Variants in MED12L observed in about 807,000 individuals in gnomAD.
The protein encoded by MED12L is mediator complex subunit 12L, also known as mediator of RNA polymerase II transcription subunit 12-like protein.
A neutral mutation model predicts 281.3 loss-of-function variants in MED12L; 60 were observed. The ratio of observed to expected loss-of-function variants is 0.21; its 90% CI spans 0.17 to 0.26. The LOEUF is 0.26. Among genes scored for constraint, MED12L ranks in the 10% least tolerant of loss-of-function variants. MED12L has a pLI of 1.00. For missense variants in MED12L, 2,146 were observed against 2,680.9 expected (o/e 0.80, Z 4.41); for synonymous variants, 974 against 987.2 (o/e 0.99, Z 0.25).
chr3:151,178,467 G>A (rs1177325429), intron 11 of MED12L, among the ~76,000 whole-genome samples: 1 of 152,200 alleles, frequency 6.6e-6, no homozygotes, highest in Non-Finnish European at 1.5e-5. Context: ...GGAGTCAGGA[G>A]AAGCCAGAGG....
At chr3:151,090,127 G>T (rs893309416) in intron 2 of MED12L, among the ~76,000 whole-genome samples, 4 of 152,072 alleles carry the variant, frequency 2.6e-5, no homozygotes, top group Non-Finnish European at 5.9e-5. Context: ...CTTAGCCTGT[G>T]GTTAGAAAGG....
chr3:151,268,633 A>G (rs1207824620), intron 16 of MED12L, among the ~76,000 whole-genome samples: 1 of 152,188 alleles, frequency 6.6e-6, no homozygotes, highest in Non-Finnish European at 1.5e-5. Context: ...GGTTTTTTAA[A>G]TCTAGAATGT....
chr3:151,428,714 T>C (rs996021437), intron 43 of MED12L, among the ~76,000 whole-genome samples: 4 of 152,192 alleles, frequency 2.6e-5, no homozygotes, highest in Non-Finnish European at 4.4e-5. Flanking sequence ...AAATAGAGGA[T>C]AAGACAGGAT....
chr3:151,332,364 G>GTA (rs1458117357), intron 16 of MED12L, among the ~76,000 whole-genome samples: 4 of 152,170 alleles, frequency 2.6e-5, no homozygotes, highest in Non-Finnish European at 5.9e-5. Flanking sequence ...TCCCATCAAA[G>GTA]TATACCATGG....
At chr3:151,307,533 CTGTGTGTGTGTG>C (rs67391329) in intron 16 of MED12L, among the ~76,000 whole-genome samples, 39,397 of 137,536 alleles carry the variant, frequency 0.29, 5,675 homozygotes, top group East Asian at 0.45. Flanking sequence ...GTAACTTGCT[CTGTGTGTGTGTG>C]TGTGTGTGTG....
At chr3:151,187,451 T>A (rs1272685695) in intron 12 of MED12L, among the ~76,000 whole-genome samples, 1 of 152,224 alleles carries the variant, frequency 6.6e-6, no homozygotes. Context: ...ATATTTAAAA[T>A]AATTGATTTT....
In MED12L at chr3:151,138,150, A is replaced by G. The variant is rs1181669935; in HGVS notation, c.556+10166A>G. On this transcript the variant is annotated intron_variant, in intron 5 of 44. Transcript: ENST00000687756. Reference sequence around the variant, plus strand: ...TCTTTCTCCTTACATAGTAATTAGCATACTATATATACTGTTGGATACCTT... The same window carrying G: ...TCTTTCTCCTTACATAGTAATTAGCGTACTATATATACTGTTGGATACCTT... 2.0e-5 allele frequency among the ~76,000 whole-genome samples: 3 copies of G among 152,018 alleles called. 1 individual carries two copies. The highest frequency in any genetic ancestry group is 4.1e-4 in the South Asian group (2 of 4,820).
At chr3:151,098,063 G>A (rs1004649320) in intron 2 of MED12L, among the ~76,000 whole-genome samples, 8 of 152,312 alleles carry the variant, frequency 5.3e-5, no homozygotes, top group African/African-American at 1.2e-4. Flanking sequence ...GTGTGCCTTC[G>A]GCTGTGGGCC....
intron 22 of MED12L, 123 bp downstream of exon 22, chr3:151,365,329 T>C (rs999566683): frequency 4.1e-6 from 3 of 729,972 alleles, no homozygotes; most frequent in African/African-American, 1.8e-5. Flanking sequence ...TTTTTCTAAA[T>C]CTTCTTTTAT....
In MED12L at chr3:151,367,945, C is replaced by T. The variant is rs190440853; in HGVS notation, c.3448+179C>T. Reference sequence around the variant, plus strand: ...TTTTATACAAATTAACATGTATCACCGTGAAAAAGGTGGGAAACTGCTATG... The same window carrying T: ...TTTTATACAAATTAACATGTATCACTGTGAAAAAGGTGGGAAACTGCTATG... On this transcript the variant is annotated intron_variant, in intron 24 of 44. Transcript: ENST00000687756. Among the ~76,000 whole-genome samples the T allele has an allele frequency of 1.2e-4, 18 of 152,014 alleles. 1 individual carries two copies. The highest frequency in any genetic ancestry group is 1.9e-4 in the East Asian group (1 of 5,182).
intron 16 of MED12L, among the ~76,000 whole-genome samples, chr3:151,246,863 C>T (rs543786180): frequency 6.6e-6 from 1 of 152,112 alleles, no homozygotes; most frequent in African/African-American, 2.4e-5. Context: ...CTTTTCGCAA[C>T]CTACTCATCT....
rs371359915 is a variant in MED12L, at chr3:151,385,015, C to G, written c.4927-15C>G. The G allele has an allele frequency of 4.1e-4, 546 of 1,339,684 alleles. 2 individuals are homozygous for G. In the African/African-American group the frequency reaches 6.2e-3, roughly 15 times the overall value. The allele number at this position is 1,339,684 out of a possible 1,614,324, so 83.0% of individuals were successfully genotyped here. On this transcript the variant is annotated splice_polypyrimidine_tract_variant and intron_variant, in intron 35 of 44. Transcript: ENST00000687756. ...GTCCCACTTCTCACTCTCTCTCTCT[C>G]TCTTTTTTCTTTAGAAAGAGCTAGG...
intron 16 of MED12L, among the ~76,000 whole-genome samples, chr3:151,263,772 A>G (rs1489120689): frequency 1.3e-5 from 2 of 150,636 alleles, no homozygotes; most frequent in Non-Finnish European, 3.0e-5. Context: ...CACCCCCCCC[A>G]CTTATCAGCT....
chr3:151,354,388 A>C (rs907163984), intron 17 of MED12L, among the ~76,000 whole-genome samples: 4 of 152,110 alleles, frequency 2.6e-5, no homozygotes, highest in Non-Finnish European at 5.9e-5. Flanking sequence ...TAATTTGATA[A>C]ACATGTCACT....
At chr3:151,110,599 A>C (rs977965592) in intron 2 of MED12L, among the ~76,000 whole-genome samples, 2 of 152,110 alleles carry the variant, frequency 1.3e-5, no homozygotes, top group African/African-American at 2.4e-5. Flanking sequence ...ACCTCCTTTC[A>C]CTTAGTTTCT....
At position 151,233,741 on chromosome 3, in the gene MED12L, C is replaced by CA. The variant is rs570682305; in HGVS notation, c.2250+40080dup. On this transcript the variant is annotated intron_variant, in intron 16 of 44. Transcript: ENST00000687756. Reference sequence around the variant, plus strand: ...AGAGTGAAACTCCGTCTCAAAAAAACAAAAACAAAAACACAGCACCGACTT... The same window carrying CA: ...AGAGTGAAACTCCGTCTCAAAAAAACAAAAAACAAAAACACAGCACCGACTT... Among the ~76,000 whole-genome samples the CA allele has an allele frequency of 1.1e-3, 164 of 152,232 alleles. 2 individuals are homozygous for CA. The highest frequency in any genetic ancestry group is 3.6e-3 in the African/African-American group (150 of 41,546).
At chr3:151,390,546 G>C (rs1015560036) in intron 38 of MED12L, among the ~76,000 whole-genome samples, 1 of 152,146 alleles carries the variant, frequency 6.6e-6, no homozygotes, top group East Asian at 1.9e-4. Context: ...GCAAGATTTA[G>C]ATAACAACAA....
chr3:151,244,606 G>A (rs1421071056), intron 16 of MED12L, among the ~76,000 whole-genome samples: 5 of 150,618 alleles, frequency 3.3e-5, no homozygotes, highest in African/African-American at 4.9e-5. Flanking sequence ...TCTCTGGGAC[G>A]CATTCAAAGC....
intron 11 of MED12L, among the ~76,000 whole-genome samples, chr3:151,175,426 A>G (rs1306723137): frequency 1.3e-5 from 2 of 152,212 alleles, no homozygotes; most frequent in African/African-American, 2.4e-5. Context: ...ATTTTAAAAA[A>G]CGTTTCAACT....
Sources: allele counts gnomAD v4.1 joint callset (sites outside exome capture counted in the v4.1 genomes callset), GRCh38; gene constraint gnomAD v4.1.1; transcripts MANE v1.5; gene names NCBI Gene and HGNC (gene_info 2026-07-23, HGNC 2026-07-21).